The following BPI variants were observed in gnomAD, a reference collection of about 807,000 sequenced individuals.
The protein encoded by BPI is bactericidal permeability-increasing protein.
A neutral mutation model predicts 57.6 loss-of-function variants in BPI; 48 were observed. The observed-to-expected ratio is 0.83, with a 90% CI of 0.66 to 1.06. The LOEUF (loss-of-function observed/expected upper bound fraction) is 1.06, where lower values mean the gene tolerates loss of function less well. Ranked by LOEUF, BPI falls within the 50% of genes least tolerant of loss-of-function variation. BPI has a pLI of 0.00. For synonymous variants in BPI, 237 were observed against 238.2 expected (o/e 0.99, Z 0.05); for missense variants, 651 against 609.7 (o/e 1.07, Z -0.71).
intron 12 of BPI, among the ~76,000 whole-genome samples, chr20:38,331,838 T>G (rs2076744025): frequency 6.9e-6 from 1 of 144,448 alleles, no homozygotes; most frequent in Admixed American, 6.8e-5. Context: ...AGTGAAATCT[T>G]GTCTCAAAAA....
Position 38,310,488 on chromosome 20 carries a change from C to T in BPI, c.375-3C>T. ...TCCCACATTCCTCTTTGTTCTTCTTCAGAAAAATGAGCGGCAATTTTGACC... is the reference window on the plus strand; with the variant it reads ...TCCCACATTCCTCTTTGTTCTTCTTTAGAAAAATGAGCGGCAATTTTGACC... On this transcript the variant is annotated splice_region_variant and splice_polypyrimidine_tract_variant and intron_variant, in intron 3 of 14. Coordinates refer to ENST00000642449, the MANE Select transcript of BPI (RefSeq NM_001725.3). 1.9e-6 allele frequency: 3 copies of T among 1,611,670 alleles called. No homozygotes were observed. Among genetic ancestry groups the T allele is most frequent in the South Asian group, 2.2e-5 (2 of 90,910 alleles).
At chr20:38,309,167 C>T (rs2076610600) in intron 3 of BPI, 109 bp downstream of exon 3, 6 of 1,478,838 alleles carry the variant, frequency 4.1e-6, no homozygotes, top group Non-Finnish European at 4.6e-6. Flanking sequence ...CTATTACCAC[C>T]TATAGCCACA....
rs368496977 is a variant in BPI at position 38,335,625 on chromosome 20, C to A, written c.1364C>A (p.Pro455Gln). Residue 455 changes from proline (P) to glutamine (Q), a missense_variant, in exon 14 of 15, where the codon CCG becomes CAG. Transcript: ENST00000642449. ...NEKLQKGFPL[P>Q]TPARVQLYNV... The stretch of plus-strand genomic sequence containing the variant: ...AAACTACAGAAAGGCTTCCCTCTCC[C>A]GACGCCGGCCAGAGTCCAGCTCTAC... 3 of 1,614,156 alleles carry A rather than the reference C, an allele frequency of 1.9e-6. No individual in the cohort carries two copies. Among genetic ancestry groups the A allele is most frequent in the Non-Finnish European group, 2.5e-6 (3 of 1,180,006 alleles).
At position 38,336,417 on chromosome 20, in the gene BPI, C is replaced by T. The variant is rs945935572; in HGVS notation, c.1414-729C>T. Among the ~76,000 whole-genome samples the T allele has an allele frequency of 5.3e-5, 8 of 152,206 alleles. No homozygotes were observed. The East Asian group carries it at 1.4e-3, about 26-fold the overall frequency. On this transcript the variant is annotated intron_variant, in intron 14 of 14. Transcript: ENST00000642449. ...TTTCCAAACTCTCAGCTTGTGCATTCGCAGGCTCCCTCAATGTCTCCACCC... is the reference window on the plus strand; with the variant it reads ...TTTCCAAACTCTCAGCTTGTGCATTTGCAGGCTCCCTCAATGTCTCCACCC...
intron 14 of BPI, 64 bp from the exon 15 acceptor site, chr20:38,337,082 A>G: frequency 6.6e-7 from 1 of 1,526,324 alleles, no homozygotes; most frequent in Admixed American, 1.9e-5. Context: ...AAACTCCAGT[A>G]GCTCCACACT....
chr20:38,305,567 AT>A (rs200137803), intron 1 of BPI, among the ~76,000 whole-genome samples: 28 of 150,720 alleles, frequency 1.9e-4, no homozygotes, highest in Admixed American at 3.3e-4. Context: ...GCCACTGCAC[AT>A]TTTTTTTTCC....
chr20:38,319,084 A>T (rs148158325), intron 6 of BPI, among the ~76,000 whole-genome samples: 35 of 152,128 alleles, frequency 2.3e-4, no homozygotes, highest in African/African-American at 8.0e-4. Context: ...AAAATACAAA[A>T]ATTTGCCAGG....
chr20:38,327,491 C>T (rs2076719228), intron 10 of BPI, 97 bp from the exon 11 acceptor site: 1 of 1,367,538 alleles, frequency 7.3e-7, no homozygotes, highest in Non-Finnish European at 1.0e-6. Flanking sequence ...GTATGCTGCC[C>T]TGCTGAGCCG....
intron 11 of BPI, among the ~76,000 whole-genome samples, chr20:38,329,147 G>C (rs2076729412): frequency 6.6e-6 from 1 of 152,162 alleles, no homozygotes; most frequent in Admixed American, 6.5e-5. Context: ...AAGGAAGGAA[G>C]GGAGGGGAGA....
intron 5 of BPI, chr20:38,318,026 G>T (rs1284767339): frequency 4.0e-5 from 39 of 984,752 alleles, no homozygotes; most frequent in Non-Finnish European, 4.7e-5. Context: ...GCTGGCCATT[G>T]ACTACCTCGT....
chr20:38,314,632 T>C (rs1373807688), intron 5 of BPI, among the ~76,000 whole-genome samples: 5 of 142,836 alleles, frequency 3.5e-5, no homozygotes, highest in Non-Finnish European at 6.1e-5. Flanking sequence ...GGGATGATGA[T>C]GGTGGTGATG....
chr20:38,325,341 A>C (rs2076707145), intron 9 of BPI, among the ~76,000 whole-genome samples: 1 of 152,198 alleles, frequency 6.6e-6, no homozygotes, highest in African/African-American at 2.4e-5. Context: ...TGGCATAAAC[A>C]ACAGAATTTA....
At chr20:38,319,812 C>CA in intron 6 of BPI, 1 of 196,944 alleles carries the variant, frequency 5.1e-6, no homozygotes, top group Admixed American at 5.7e-5. Flanking sequence ...AAAACCCTCC[C>CA]AGCATCTGTG....
intron 12 of BPI, among the ~76,000 whole-genome samples, chr20:38,331,859 A>G (rs537480306): frequency 5.8e-4 from 79 of 135,888 alleles, no homozygotes; most frequent in Non-Finnish European, 7.3e-4. Flanking sequence ...AAAAAAAAAA[A>G]AGAGAGAGAA....
chr20:38,329,521 A>T (rs919297432), intron 11 of BPI, among the ~76,000 whole-genome samples: 1 of 152,200 alleles, frequency 6.6e-6, no homozygotes, highest in Admixed American at 6.5e-5. Context: ...GCTGGAGAGG[A>T]TACAGCTGGG....
chr20:38,304,234 G>A lies in BPI; in HGVS notation c.11G>A (p.Gly4Asp). 6.2e-7 allele frequency: 1 copy of A among 1,614,178 alleles called. No homozygotes were observed. The highest frequency in any genetic ancestry group is 8.5e-7 in the Non-Finnish European group (1 of 1,180,026). The change falls in exon 1 of 15, where the codon GGC becomes GAC. Residue 4 changes from glycine (G) to aspartate (D), a missense_variant. Physicochemically the swap from Gly to Asp is moderately conservative, Grantham distance 94. Coordinates refer to ENST00000642449, the MANE Select transcript of BPI (RefSeq NM_001725.3). MAR[G>D]PCNAPRWASL... ...AGGATGAGAGAGAACATGGCCAGGGGCCCTTGCAACGCGCCGAGATGGGCG... is the reference window on the plus strand; with the variant it reads ...AGGATGAGAGAGAACATGGCCAGGGACCCTTGCAACGCGCCGAGATGGGCG...
intron 2 of BPI, among the ~76,000 whole-genome samples, chr20:38,308,701 A>T (rs1233893191): frequency 6.6e-6 from 1 of 152,256 alleles, no homozygotes; most frequent in Admixed American, 6.5e-5. Context: ...CCAAGAGTAT[A>T]TTAAAGAGCA....
At position 38,326,353 on chromosome 20, in the gene BPI, C is replaced by A; in HGVS notation, c.1082C>A (p.Thr361Asn). ...CTGTCTGTGCAGCCCACCGGCCTTA[C>A]CTTCTACCCTGCCGTGGATGTCCAG... ...PHLSVQPTGL[T>N]FYPAVDVQAF... The change falls in exon 10 of 15, where the codon ACC (threonine) becomes AAC (asparagine). Residue 361 changes from threonine to asparagine, a missense_variant. Coordinates refer to ENST00000642449, the MANE Select transcript of BPI (RefSeq NM_001725.3). 1 of 1,614,208 alleles carries A rather than the reference C, an allele frequency of 6.2e-7. No individual in the cohort carries two copies.
At chr20:38,325,934 T>C (rs1029513489) in intron 9 of BPI, among the ~76,000 whole-genome samples, 9 of 152,010 alleles carry the variant, frequency 5.9e-5, no homozygotes, top group African/African-American at 2.2e-4. Flanking sequence ...TGCAGAGACC[T>C]GAAGGAAGGG....
Sources: gnomAD v4.1 joint callset for allele counts (sites outside exome capture counted in the v4.1 genomes callset) on GRCh38, gnomAD v4.1.1 for gene constraint, MANE v1.5 for transcripts, NCBI Gene and HGNC (gene_info 2026-07-23, HGNC 2026-07-21) for gene names.